Variants in AP3D1 observed in about 807,000 individuals in gnomAD.
The protein encoded by AP3D1 is AP-3 complex subunit delta-1.
Under a neutral mutation model 147.6 loss-of-function variants are expected in AP3D1, and 51 were observed. The ratio of observed to expected loss-of-function variants is 0.35; its 90% CI spans 0.28 to 0.44. The LOEUF is 0.44. Among genes scored for constraint, AP3D1 ranks in the 20% least tolerant of loss-of-function variants. The probability of loss-of-function intolerance (pLI) is 1.00; values close to 1 mark genes in which losing one functional copy is unlikely to be tolerated. For synonymous variants in AP3D1, 760 were observed against 663.0 expected (o/e 1.15, Z -2.25); for missense variants, 1,421 against 1,624.2 (o/e 0.87, Z 2.15).
chr19:2,163,888 C>A (rs904643882), intron 1 of AP3D1, among the ~76,000 whole-genome samples: 1 of 149,796 alleles, frequency 6.7e-6, no homozygotes, highest in Admixed American at 6.6e-5. Context: ...TCGCTCCGGG[C>A]TCCCCTAGCG....
In AP3D1 at chr19:2,128,336, G is replaced by A. The variant is rs563534859; in HGVS notation, c.806+754C>T. On this transcript the variant is annotated intron_variant, in intron 8 of 31. Coordinates refer to ENST00000643116, the MANE Select transcript of AP3D1 (RefSeq NM_001261826.3). ...CAGCATGGAGAAGAGTCTAGTGGCC[G>A]GGAATGCCACTACAGGCTTCCAGTC... 9.3e-5 allele frequency among the ~76,000 whole-genome samples: 12 copies of A among 129,358 alleles called. No individual in the cohort carries two copies. In the South Asian group the frequency reaches 1.8e-3, roughly 20 times the overall value. 84.9% of individuals were successfully genotyped at this position (129,358 alleles called of 152,430 possible).
chr19:2,127,392 G>A (rs967918688), intron 8 of AP3D1, among the ~76,000 whole-genome samples, 191 bp from the exon 9 acceptor site: 10 of 152,214 alleles, frequency 6.6e-5, no homozygotes, highest in African/African-American at 2.4e-4. Flanking sequence ...TTCCCAGAAA[G>A]GGCAGGTGAG....
intron 27 of AP3D1, 152 bp from the exon 28 acceptor site, chr19:2,110,376 C>CA (rs2018237252): frequency 1.4e-6 from 1 of 707,394 alleles, no homozygotes; most frequent in Non-Finnish European, 2.4e-6. Context: ...GGAGCAGAAA[C>CA]AAGAGGCTAC....
At chr19:2,127,857 CAGAT>C (rs1430759703) in intron 8 of AP3D1, among the ~76,000 whole-genome samples, 12 of 152,214 alleles carry the variant, frequency 7.9e-5, no homozygotes, top group Non-Finnish European at 1.3e-4. Context: ...TTCAGACACA[CAGAT>C]AATCACCATG....
In AP3D1 at chr19:2,151,407, TGCCGCCCGCGGAGCGCCGCGCTGCCG is replaced by T; in HGVS notation, c.-99_-74del. The T allele has an allele frequency of 9.8e-7, 1 of 1,023,558 alleles. No individual in the cohort carries two copies. The highest frequency in any genetic ancestry group is 1.2e-6 in the Non-Finnish European group (1 of 812,202). The allele number at this position is 1,023,558 out of a possible 1,614,324, so 63.4% of individuals were successfully genotyped here. ...CGTGAGGGGGCCCGGGGCCCGTGCCTGCCGCCCGCGGAGCGCCGCGCTGCCGGCCGCTGCGGCGGGGCAAGCTCCCA... is the reference window on the plus strand; with the variant it reads ...CGTGAGGGGGCCCGGGGCCCGTGCCTGCCGCTGCGGCGGGGCAAGCTCCCA... On this transcript the variant is annotated 5_prime_UTR_variant, in exon 1 of 32. Transcript: ENST00000643116.
At chr19:2,117,795 G>A (rs549931047) in intron 15 of AP3D1, among the ~76,000 whole-genome samples, 3 of 152,360 alleles carry the variant, frequency 2.0e-5, no homozygotes, top group South Asian at 2.1e-4. Flanking sequence ...AGAGGAGCCC[G>A]GGGCCACGCC....
chr19:2,134,884 A>C (rs1280996310), intron 4 of AP3D1, among the ~76,000 whole-genome samples: 2 of 151,782 alleles, frequency 1.3e-5, no homozygotes, highest in Non-Finnish European at 2.9e-5. Flanking sequence ...TACAGGCATG[A>C]GCCACCGCAC....
At chr19:2,110,078 C>A in intron 28 of AP3D1, 58 bp downstream of exon 28, 1 of 1,593,430 alleles carries the variant, frequency 6.3e-7, no homozygotes, top group South Asian at 1.1e-5. Context: ...TGCGATGGGG[C>A]AGGAGGAGCC....
rs1185936896 is a variant in AP3D1 at position 2,117,316 on chromosome 19, C to A, written c.1765G>T (p.Asp589Tyr). The change falls in exon 16 of 32, where the codon GAC (aspartate) becomes TAC (tyrosine). Residue 589 changes from aspartate (D) to tyrosine (Y), a missense_variant. Around this residue, in one of 6 missense-constraint regions of AP3D1, gnomAD observed 310 missense variants for 388.1 expected, o/e 0.80. Coordinates refer to ENST00000643116, the MANE Select transcript of AP3D1 (RefSeq NM_001261826.3). Reference sequence around the variant, plus strand: ...CTGACCTCCTCTGCCACAGGCACGTCCTTGGCCTGAAGCTTCTGGATGTGC... The same window carrying A: ...CTGACCTCCTCTGCCACAGGCACGTACTTGGCCTGAAGCTTCTGGATGTGC... Reference protein sequence around the residue: ...VKHIQKLQAKDVPVAEEVSAL... With the variant: ...VKHIQKLQAKYVPVAEEVSAL... 10 of 1,612,712 alleles carry A rather than the reference C, an allele frequency of 6.2e-6. No homozygotes were observed. In the South Asian group the frequency reaches 1.1e-4, roughly 18 times the overall value.
At chr19:2,133,998 C>T (rs1238433648) in intron 4 of AP3D1, among the ~76,000 whole-genome samples, 2 of 151,856 alleles carry the variant, frequency 1.3e-5, no homozygotes, top group Non-Finnish European at 2.9e-5. Flanking sequence ...GTTCCAGCTA[C>T]TTGAGAGGCT....
chr19:2,107,719 G>C (rs1014118447), intron 31 of AP3D1, among the ~76,000 whole-genome samples: 1 of 147,508 alleles, frequency 6.8e-6, no homozygotes, highest in African/African-American at 2.5e-5. Context: ...CAGCCTGGGC[G>C]ACAGAGCGAG....
intron 4 of AP3D1, among the ~76,000 whole-genome samples, chr19:2,133,829 G>A (rs2019010533): frequency 1.3e-5 from 2 of 150,998 alleles, no homozygotes. Flanking sequence ...GGACACAGTG[G>A]CCGTGCGCGG....
At chr19:2,126,198 G>A (rs956249522) in intron 9 of AP3D1, among the ~76,000 whole-genome samples, 4 of 152,182 alleles carry the variant, frequency 2.6e-5, no homozygotes, top group African/African-American at 9.6e-5. Context: ...CCCTCCTACT[G>A]GTGAGAAGCT....
intron 9 of AP3D1, 129 bp from the exon 10 acceptor site, chr19:2,124,008 A>C: frequency 9.4e-7 from 1 of 1,058,456 alleles, no homozygotes; most frequent in Non-Finnish European, 1.4e-6. Context: ...AATGCCACTG[A>C]GTTTGGGACC....
rs748893543 is a variant in AP3D1, at chr19:2,116,225, G to A, written c.2055C>T (p.Ser685=). Residue 685 remains serine, a synonymous_variant, in exon 18 of 32, where the codon AGC becomes AGT. Coordinates refer to ENST00000643116, the MANE Select transcript of AP3D1 (RefSeq NM_001261826.3). ...EQANNPFYIK[S]SPSPQKRYQD... The stretch of plus-strand genomic sequence containing the variant: ...GCCTCACCTTCTGTGGCGATGGCGA[G>A]CTCTTGATGTAGAAGGGGTTGTTGG... 6.2e-6 allele frequency: 10 copies of A among 1,614,188 alleles called. No individual in the cohort carries two copies. The highest frequency in any genetic ancestry group is 8.5e-6 in the Non-Finnish European group (10 of 1,180,024).
intron 1 of AP3D1, among the ~76,000 whole-genome samples, chr19:2,144,579 G>A (rs2019308950): frequency 6.6e-6 from 1 of 152,160 alleles, no homozygotes; most frequent in Non-Finnish European, 1.5e-5. Context: ...AGCTCAGCCT[G>A]GATGTCTGTG....
chr19:2,129,517 T>C lies in AP3D1; in HGVS notation c.593-60A>G, dbSNP rs1310178770. On this transcript the variant is annotated intron_variant, in intron 6 of 31. Transcript: ENST00000643116. ...CCTTCCACCTAGAAAACCATCCTACTGTCTTCCTGGCCCGCGAGGAAGTTC... is the reference window on the plus strand; with the variant it reads ...CCTTCCACCTAGAAAACCATCCTACCGTCTTCCTGGCCCGCGAGGAAGTTC... The C allele has an allele frequency of 3.8e-6, 6 of 1,566,448 alleles. No individual in the cohort carries two copies. The Admixed American group carries it at 5.7e-5, about 15-fold the overall frequency.
At chr19:2,161,326 T>G (rs1032418281) in intron 1 of AP3D1, among the ~76,000 whole-genome samples, 2 of 151,944 alleles carry the variant, frequency 1.3e-5, no homozygotes, top group Non-Finnish European at 2.9e-5. Context: ...CATGCCTGGC[T>G]AATTTTTGCA....
intron 1 of AP3D1, among the ~76,000 whole-genome samples, chr19:2,150,706 G>A (rs1481146845): frequency 2.6e-5 from 4 of 152,220 alleles, no homozygotes; most frequent in Non-Finnish European, 5.9e-5. Flanking sequence ...CCAGAAGGAA[G>A]AAGGAGTTTC....
Sources: gnomAD v4.1 joint callset for allele counts (sites outside exome capture counted in the v4.1 genomes callset) on GRCh38, gnomAD v4.1.1 for gene constraint, gnomAD v4.1.1 regional missense constraint, MANE v1.5 for transcripts, NCBI Gene and HGNC (gene_info 2026-07-23, HGNC 2026-07-21) for gene names.